CFAP20DC: variants seen among roughly 807,000 people sequenced by gnomAD.
CFAP20DC encodes CFAP20 domain containing, also known as protein CFAP20DC.
In CFAP20DC, 84 loss-of-function variants were observed where a neutral mutation model predicts 101.7. That is an observed-to-expected ratio of 0.83 (90% CI 0.69 to 0.99). The LOEUF (loss-of-function observed/expected upper bound fraction) is 0.99, where lower values mean the gene tolerates loss of function less well. Among genes scored for constraint, CFAP20DC ranks in the 50% least tolerant of loss-of-function variants. CFAP20DC has a pLI of 0.00. For missense variants in CFAP20DC, 1,007 were observed against 970.3 expected (o/e 1.04, Z -0.50); for synonymous variants, 359 against 351.2 (o/e 1.02, Z -0.25).
chr3:58,773,975 T>C (rs2071089318), intron 15 of CFAP20DC, among the ~76,000 whole-genome samples: 1 of 151,692 alleles, frequency 6.6e-6, no homozygotes, highest in South Asian at 2.1e-4. Flanking sequence ...TAATATTATG[T>C]TTTAATTTTC....
At chr3:58,718,609 C>A (rs938963472) in intron 3 of CFAP20DC, among the ~76,000 whole-genome samples, 1 of 152,206 alleles carries the variant, frequency 6.6e-6, no homozygotes, top group African/African-American at 2.4e-5. Flanking sequence ...CCTAAGGCAC[C>A]TCTTCATTCT....
intron 13 of CFAP20DC, among the ~76,000 whole-genome samples, chr3:58,832,291 G>A (rs1224496301): frequency 6.6e-6 from 1 of 152,058 alleles, no homozygotes; most frequent in Non-Finnish European, 1.5e-5. Flanking sequence ...TTCACTTTTA[G>A]CATTGATCAC....
intron 4 of CFAP20DC, among the ~76,000 whole-genome samples, chr3:59,037,525 A>T (rs893261513): frequency 7.2e-5 from 11 of 152,202 alleles, no homozygotes; most frequent in African/African-American, 2.7e-4. Context: ...CAAATATGCG[A>T]AAAAAAGCTC....
chr3:58,832,975 G>A (rs1293131272), intron 13 of CFAP20DC, among the ~76,000 whole-genome samples: 1 of 152,074 alleles, frequency 6.6e-6, no homozygotes, highest in African/African-American at 2.4e-5. Context: ...GTACTAATAA[G>A]GATTTTTTTC....
At chr3:58,940,997 T>C (rs2088479016) in intron 4 of CFAP20DC, among the ~76,000 whole-genome samples, 1 of 152,164 alleles carries the variant, frequency 6.6e-6, no homozygotes, top group South Asian at 2.1e-4. Context: ...TATTCCTAAG[T>C]ATTTTGTCTT....
chr3:58,906,695 C>T (rs2083618475), intron 6 of CFAP20DC, among the ~76,000 whole-genome samples: 2 of 152,002 alleles, frequency 1.3e-5, no homozygotes, highest in South Asian at 4.2e-4. Context: ...TTTGGGAGGC[C>T]AAGGTGGGAT....
chr3:58,870,223 C>A lies in CFAP20DC; in HGVS notation c.802G>T (p.Gly268Trp), dbSNP rs746783906. The part of the protein sequence containing the change: ...CHIAFGSKVL[G>W]PPPLSGRRNN... Reference sequence around the variant, plus strand: ...CTTCTGCCAGAGAGTGGAGGTGGCCCAAGAACTTTGGATCCAAATGCGATA... The same window carrying A: ...CTTCTGCCAGAGAGTGGAGGTGGCCAAAGAACTTTGGATCCAAATGCGATA... Residue 268 changes from glycine (G) to tryptophan (W), a missense_variant, in exon 8 of 17, where the codon GGG becomes TGG. Gly to Trp is a radical substitution (Grantham distance 184). Coordinates refer to ENST00000482387, the MANE Select transcript of CFAP20DC (RefSeq NM_001394063.1). 2 of 1,614,084 alleles carry A rather than the reference C, an allele frequency of 1.2e-6. No homozygotes were observed. The highest frequency in any genetic ancestry group is 8.5e-7 in the Non-Finnish European group (1 of 1,180,004).
intron 3 of CFAP20DC, chr3:58,725,937 C>G (rs2067543294): frequency 6.4e-6 from 1 of 155,330 alleles, no homozygotes; most frequent in South Asian, 1.9e-4. Flanking sequence ...CAAGTGAGTT[C>G]TTTTCCATCG....
Position 59,002,949 on chromosome 3 carries a change from A to C in CFAP20DC, c.278+36608T>G, listed in dbSNP as rs1340642051. Reference sequence around the variant, plus strand: ...TGCCCAAGGTCTTGGTTACTGACAGAGCTATAATGCATCCAAGATTTCTGA... The same window carrying C: ...TGCCCAAGGTCTTGGTTACTGACAGCGCTATAATGCATCCAAGATTTCTGA... On this transcript the variant is annotated intron_variant, in intron 4 of 16. Coordinates refer to ENST00000482387, the MANE Select transcript of CFAP20DC (RefSeq NM_001394063.1). The surrounding 1 kb of genome is among the most constrained non-coding windows in gnomAD (Gnocchi z 4.5). Among the ~76,000 whole-genome samples the C allele has an allele frequency of 6.6e-6, 1 of 152,210 alleles. No individual in the cohort carries two copies. The highest frequency in any genetic ancestry group is 2.4e-5 in the African/African-American group (1 of 41,454).
intron 15 of CFAP20DC, among the ~76,000 whole-genome samples, chr3:58,772,618 T>C (rs1459131383): frequency 6.6e-6 from 1 of 152,120 alleles, no homozygotes; most frequent in Non-Finnish European, 1.5e-5. Context: ...CATAAATATA[T>C]GCAAATGAAG....
chr3:58,816,721 C>G (rs2075193595), intron 14 of CFAP20DC, among the ~76,000 whole-genome samples: 1 of 152,166 alleles, frequency 6.6e-6, no homozygotes, highest in Non-Finnish European at 1.5e-5. Flanking sequence ...GGAGGGGCGC[C>G]CGCCATTGCC....
At position 58,788,521 on chromosome 3, in the gene CFAP20DC, C is replaced by T. The variant is rs1373713213; in HGVS notation, c.2237+17874G>A. Among the ~76,000 whole-genome samples, 5 of 152,130 alleles carry T rather than the reference C, an allele frequency of 3.3e-5. No individual in the cohort carries two copies. The highest frequency in any genetic ancestry group is 4.8e-5 in the African/African-American group (2 of 41,430). On this transcript the variant is annotated intron_variant, in intron 15 of 16. Transcript: ENST00000482387. The surrounding 1 kb of genome is among the most constrained non-coding windows in gnomAD (Gnocchi z 4.2). The stretch of plus-strand genomic sequence containing the variant: ...TTTCCTAAATCTCAGCAAGACGTGG[C>T]TGGTCACAAAATGGGATGCTAACAT...
At chr3:58,765,154 AC>A (rs1467412972) in intron 15 of CFAP20DC, among the ~76,000 whole-genome samples, 1 of 152,166 alleles carries the variant, frequency 6.6e-6, no homozygotes, top group African/African-American at 2.4e-5. Context: ...CTCAGTTAAG[AC>A]AGACTATGGC....
chr3:59,011,135 C>T (rs1014286397), intron 4 of CFAP20DC, among the ~76,000 whole-genome samples: 7 of 152,126 alleles, frequency 4.6e-5, no homozygotes, highest in African/African-American at 7.2e-5. Flanking sequence ...TGGTGGCTCA[C>T]GCCTGTAATC....
Position 58,913,894 on chromosome 3 carries a change from G to C in CFAP20DC, c.394-30C>G. 6.2e-7 allele frequency: 1 copy of C among 1,610,790 alleles called. No homozygotes were observed. The highest frequency in any genetic ancestry group is 8.5e-7 in the Non-Finnish European group (1 of 1,178,136). On this transcript the variant is annotated intron_variant, in intron 5 of 16. Transcript: ENST00000482387. The surrounding 1 kb of genome is among the most constrained non-coding windows in gnomAD (Gnocchi z 4.4). The stretch of plus-strand genomic sequence containing the variant: ...AATAGAGAGATGCAAAGAAGAGTAA[G>C]GACCTTTCATCAACACATAAATGAA...
chr3:58,765,849 G>A (rs1264236166), intron 15 of CFAP20DC, among the ~76,000 whole-genome samples: 1 of 152,088 alleles, frequency 6.6e-6, no homozygotes, highest in Non-Finnish European at 1.5e-5. Context: ...ATCTTTTATG[G>A]CCAGAGAACA....
intron 15 of CFAP20DC, among the ~76,000 whole-genome samples, chr3:58,805,609 T>A (rs2073998631): frequency 6.6e-6 from 1 of 152,230 alleles, no homozygotes; most frequent in Non-Finnish European, 1.5e-5. Flanking sequence ...ATGAGGTGCA[T>A]CACAGTAACT....
chr3:58,719,868 GC>G (rs1290633386), intron 3 of CFAP20DC, among the ~76,000 whole-genome samples: 1 of 152,232 alleles, frequency 6.6e-6, no homozygotes, highest in African/African-American at 2.4e-5. Context: ...TTGGCACTCT[GC>G]CCATGCAAAC....
intron 6 of CFAP20DC, among the ~76,000 whole-genome samples, chr3:58,888,097 A>G (rs2081811039): frequency 1.3e-5 from 2 of 152,224 alleles, no homozygotes; most frequent in South Asian, 4.1e-4. Flanking sequence ...TCTATGTCCA[A>G]TTACTAAGTC....
Sources: allele counts gnomAD v4.1 joint callset (sites outside exome capture counted in the v4.1 genomes callset), GRCh38; gene constraint gnomAD v4.1.1; non-coding constraint Gnocchi (gnomAD v3.1); transcripts MANE v1.5; gene names NCBI Gene and HGNC (gene_info 2026-07-23, HGNC 2026-07-21).